Variants in KAT6B observed in about 807,000 individuals in gnomAD.
KAT6B encodes the protein lysine acetyltransferase 6B.
In KAT6B, 10 loss-of-function variants were observed where a neutral mutation model predicts 187.5. The observed-to-expected ratio is 0.05, with a 90% confidence interval of 0.03 to 0.09. The LOEUF is 0.09. Among genes scored for constraint, KAT6B ranks in the 10% least tolerant of loss-of-function variants. The pLI is 1.00. For missense variants in KAT6B, 1,952 were observed against 2,558.9 expected (o/e 0.76, Z 5.12); for synonymous variants, 861 against 926.8 (o/e 0.93, Z 1.29).
At chr10:74,914,590 A>C (rs1038278568) in intron 3 of KAT6B, among the ~76,000 whole-genome samples, 1 of 152,218 alleles carries the variant, frequency 6.6e-6, no homozygotes, top group Non-Finnish European at 1.5e-5. Flanking sequence ...CAACTTTTTC[A>C]AGCAACTGGC....
Position 74,976,089 on chromosome 10 carries a change from A to T in KAT6B, c.1752A>T (p.Lys584Asn). The T allele has an allele frequency of 6.2e-7, 1 of 1,614,190 alleles. No homozygotes were observed. The highest frequency in any genetic ancestry group is 8.5e-7 in the Non-Finnish European group (1 of 1,180,044). ...KTELSSTAKS[K>N]AHFFGKRDIR... The stretch of plus-strand genomic sequence containing the variant: ...AATTATCTTCCACGGCAAAATCTAA[A>T]GCCCACTTCTTTGGCAAAAGAGATA... Residue 584 changes from lysine to asparagine, a missense_variant, in exon 8 of 18, where the codon AAA (lysine) becomes AAT (asparagine). Transcript: ENST00000287239.
At position 74,862,595 on chromosome 10, in the gene KAT6B, G is replaced by A. The variant is rs181435905; in HGVS notation, c.621+19117G>A. Reference sequence around the variant, plus strand: ...ATGAACAAGTAGGATCTACTTATGTGGCTGAGGAAGCAATCTAGAGATGTT... The same window carrying A: ...ATGAACAAGTAGGATCTACTTATGTAGCTGAGGAAGCAATCTAGAGATGTT... On this transcript the variant is annotated intron_variant, in intron 3 of 17. Coordinates refer to ENST00000287239, the MANE Select transcript of KAT6B (RefSeq NM_012330.4). Among the ~76,000 whole-genome samples the A allele has an allele frequency of 5.7e-4, 87 of 152,278 alleles. 3 individuals carry two copies. In the East Asian group the frequency reaches 0.015, roughly 26 times the overall value.
chr10:74,834,202 GTTT>G (rs779791101), intron 1 of KAT6B, among the ~76,000 whole-genome samples: 1 of 140,982 alleles, frequency 7.1e-6, no homozygotes, highest in Non-Finnish European at 1.6e-5. Flanking sequence ...CTTTATTTCT[GTTT>G]TTTTTTTTTT....
chr10:74,995,099 CCCACAATAT>C (rs1843344557), intron 13 of KAT6B, among the ~76,000 whole-genome samples: 1 of 152,280 alleles, frequency 6.6e-6, no homozygotes, highest in African/African-American at 2.4e-5. Flanking sequence ...ACTTCCATTA[CCCACAATAT>C]ACTTATGTGC....
intron 13 of KAT6B, among the ~76,000 whole-genome samples, chr10:74,991,235 A>G (rs1056625555): frequency 2.6e-5 from 4 of 151,648 alleles, no homozygotes; most frequent in African/African-American, 7.2e-5. Flanking sequence ...TTATAATAAT[A>G]TGTATTAGAT....
chr10:74,927,233 C>T (rs992446212), intron 3 of KAT6B, among the ~76,000 whole-genome samples: 21 of 152,168 alleles, frequency 1.4e-4, no homozygotes, highest in African/African-American at 4.8e-4. Flanking sequence ...CTTCAAACCC[C>T]TCCCTTTGCT....
At chr10:75,027,500 C>T (rs1054964509) in intron 17 of KAT6B, among the ~76,000 whole-genome samples, 6 of 151,964 alleles carry the variant, frequency 3.9e-5, no homozygotes, top group African/African-American at 1.5e-4. Flanking sequence ...TAAAGCTTTT[C>T]CTTTAAATTG....
chr10:74,970,531 C>A (rs1841782085), intron 6 of KAT6B, among the ~76,000 whole-genome samples: 1 of 152,020 alleles, frequency 6.6e-6, no homozygotes, highest in African/African-American at 2.4e-5. Flanking sequence ...ATTTTCTTGG[C>A]CATTAGTTGA....
chr10:74,876,745 C>T (rs1844441431), intron 3 of KAT6B, among the ~76,000 whole-genome samples: 1 of 151,780 alleles, frequency 6.6e-6, no homozygotes, highest in Admixed American at 6.6e-5. Flanking sequence ...GAAACTCCAT[C>T]TCTACTAAAA....
intron 3 of KAT6B, among the ~76,000 whole-genome samples, chr10:74,877,247 T>C (rs1434186760): frequency 7.9e-5 from 12 of 152,204 alleles, no homozygotes; most frequent in Non-Finnish European, 7.3e-5. Flanking sequence ...ATTACAGGCA[T>C]GAGCCACCAC....
intron 3 of KAT6B, among the ~76,000 whole-genome samples, chr10:74,910,253 G>A (rs374217294): frequency 1.3e-5 from 2 of 152,116 alleles, no homozygotes; most frequent in Admixed American, 1.3e-4. Context: ...AGCCAAGATC[G>A]TGCCATTGCC....
At chr10:74,897,375 C>G (rs781374735) in intron 3 of KAT6B, among the ~76,000 whole-genome samples, 11 of 152,162 alleles carry the variant, frequency 7.2e-5, no homozygotes, top group Non-Finnish European at 1.6e-4. Context: ...GATTGTGCAC[C>G]TAGAGTACCT....
At chr10:74,974,845 C>T (rs1842057959) in intron 7 of KAT6B, among the ~76,000 whole-genome samples, 1 of 152,116 alleles carries the variant, frequency 6.6e-6, no homozygotes, top group South Asian at 2.1e-4. Context: ...ATCCTAAGCA[C>T]AAACTGCTGA....
intron 3 of KAT6B, among the ~76,000 whole-genome samples, chr10:74,936,796 G>C (rs1305280784): frequency 6.6e-6 from 1 of 152,058 alleles, no homozygotes; most frequent in Non-Finnish European, 1.5e-5. Context: ...TGGATTTCTC[G>C]ATTTTTATTT....
At chr10:74,986,109 T>C (rs1227610573) in intron 12 of KAT6B, among the ~76,000 whole-genome samples, 3 of 151,878 alleles carry the variant, frequency 2.0e-5, no homozygotes, top group Non-Finnish European at 2.9e-5. Flanking sequence ...GCTGTTAGAG[T>C]GGGGAAAACA....
At chr10:75,009,672 A>G (rs953745589) in intron 13 of KAT6B, among the ~76,000 whole-genome samples, 1 of 152,074 alleles carries the variant, frequency 6.6e-6, no homozygotes, top group African/African-American at 2.4e-5. Context: ...GCTAACATCT[A>G]CTGTAGCCAG....
At chr10:74,990,731 T>G (rs537366389) in intron 13 of KAT6B, among the ~76,000 whole-genome samples, 1 of 152,324 alleles carries the variant, frequency 6.6e-6, no homozygotes, top group South Asian at 2.1e-4. Flanking sequence ...GTTCTCTAGT[T>G]TTGTGTGGCT....
chr10:75,002,406 T>C (rs995288212), intron 13 of KAT6B, among the ~76,000 whole-genome samples: 1 of 151,750 alleles, frequency 6.6e-6, no homozygotes, highest in Non-Finnish European at 1.5e-5. Context: ...CAAACTAGGC[T>C]AAGCAAGTGC....
At chr10:74,825,847 G>A (rs1840153047), upstream of KAT6B, among the ~76,000 whole-genome samples, 1 of 151,624 alleles carries the variant, frequency 6.6e-6, no homozygotes, top group Non-Finnish European at 1.5e-5. This position sits in a 1 kb window ranked among gnomAD's most constrained non-coding sequence, Gnocchi z 5.0. Flanking sequence ...CCGGCCTGGG[G>A]CTGGCAGGGT....
Sources: allele counts gnomAD v4.1 joint callset (sites outside exome capture counted in the v4.1 genomes callset), GRCh38; gene constraint gnomAD v4.1.1; non-coding constraint Gnocchi (gnomAD v3.1); transcripts MANE v1.5; gene names NCBI Gene and HGNC (gene_info 2026-07-23, HGNC 2026-07-21).